The following PHIP variants were observed in gnomAD, a reference collection of about 807,000 sequenced individuals.
PHIP encodes PH-interacting protein.
In PHIP, 54 loss-of-function variants were observed where a neutral mutation model predicts 236.8. That is an observed-to-expected ratio of 0.23 (90% CI 0.18 to 0.29). PHIP has a LOEUF of 0.29. PHIP is among the 10% of genes least tolerant of loss of function. The pLI is 1.00. For synonymous variants in PHIP, 756 were observed against 718.9 expected, an observed-to-expected ratio of 1.05 and a Z score of -0.83; for missense variants, 1,370 against 2,190.8, an observed-to-expected ratio of 0.63 and a Z score of 7.48.
At chr6:78,977,985 G>C (rs933029596) in intron 24 of PHIP, among the ~76,000 whole-genome samples, 2 of 152,010 alleles carry the variant, frequency 1.3e-5, no homozygotes, top group Non-Finnish European at 2.9e-5. Flanking sequence ...AGATAACACT[G>C]CCTCTTAAAA....
chr6:79,015,512 C>T lies in PHIP; in HGVS notation c.1389+118G>A, dbSNP rs62427279. The stretch of plus-strand genomic sequence containing the variant: ...AATTATTCCCAATCACTCACAAAGC[C>T]GTTACCCCAGCAAGCAAGAGTTTTT... On this transcript the variant is annotated intron_variant, in intron 14 of 39. Coordinates refer to ENST00000275034, the MANE Select transcript of PHIP (RefSeq NM_017934.7). 31,481 of 759,804 alleles carry T rather than the reference C, an allele frequency of 0.041. 902 individuals carry two copies. The highest frequency in any genetic ancestry group is 0.056 in the Non-Finnish European group (26,313 of 471,318). The allele number at this position is 759,804 out of a possible 1,614,324, so 47.1% of individuals were successfully genotyped here. A position where few individuals can be genotyped will look rare whatever the true frequency, so the allele number is the denominator to read the frequency against.
intron 4 of PHIP, among the ~76,000 whole-genome samples, chr6:79,077,106 C>G (rs1456444822): frequency 2.6e-5 from 4 of 152,040 alleles, no homozygotes; most frequent in African/African-American, 9.7e-5. Context: ...CGCGCCGCTC[C>G]CGCCGCCGCC....
Position 78,988,260 on chromosome 6 carries a change from T to C in PHIP, c.2409A>G (p.Glu803=). Residue 803 remains glutamate, a synonymous_variant, in exon 21 of 40, where the codon GAA becomes GAG. Coordinates refer to ENST00000275034, the MANE Select transcript of PHIP (RefSeq NM_017934.7). ...TCTCTTCTGAGGGTCTAGGAGTCTCTTCCAATGCAGATCTTGTACGATAAT... is the reference window on the plus strand; with the variant it reads ...TCTCTTCTGAGGGTCTAGGAGTCTCCTCCAATGCAGATCTTGTACGATAAT... The part of the protein sequence containing the change: ...QHNYRTRSAL[E]ETPRPSEEIE... 1.2e-6 allele frequency: 2 copies of C among 1,609,530 alleles called. No individual in the cohort carries two copies. The highest frequency in any genetic ancestry group is 1.7e-6 in the Non-Finnish European group (2 of 1,176,686).
At chr6:78,985,164 T>C (rs933146245) in intron 22 of PHIP, among the ~76,000 whole-genome samples, 188 bp downstream of exon 22, 8 of 152,102 alleles carry the variant, frequency 5.3e-5, no homozygotes, top group South Asian at 2.1e-4. Flanking sequence ...GCAGATCTAG[T>C]TGCAATCACC....
intron 24 of PHIP, among the ~76,000 whole-genome samples, chr6:78,974,403 A>T (rs1289875975): frequency 6.6e-6 from 1 of 151,964 alleles, no homozygotes. Context: ...TTATAGCACT[A>T]AATGCCCACA....
intron 24 of PHIP, among the ~76,000 whole-genome samples, chr6:78,978,081 A>C (rs567123435): frequency 6.6e-6 from 1 of 152,240 alleles, no homozygotes; most frequent in East Asian, 1.9e-4. Flanking sequence ...TCACAAGTAC[A>C]TATTCTAAAA....
At chr6:79,044,772 G>GTA (rs1772391746) in intron 6 of PHIP, among the ~76,000 whole-genome samples, 1 of 152,056 alleles carries the variant, frequency 6.6e-6, no homozygotes, top group Admixed American at 6.6e-5. Context: ...TTAAGCATTA[G>GTA]TATATAGGTA....
rs1162064963 is a variant in PHIP, at chr6:79,078,208, G to T, written c.-140C>A. 2.7e-6 allele frequency: 2 copies of T among 749,940 alleles called. No homozygotes were observed. The highest frequency in any genetic ancestry group is 4.4e-6 in the Non-Finnish European group (2 of 456,950). The allele number at this position is 749,940 out of a possible 1,614,324, so 46.5% of individuals were successfully genotyped here. On this transcript the variant is annotated 5_prime_UTR_variant, in exon 1 of 40. Transcript: ENST00000275034. The stretch of plus-strand genomic sequence containing the variant: ...CTCCACCATTCAAGCAACGGCGGCG[G>T]AGGCGGAGGAGGAGGAGGAGGAAAC...
intron 35 of PHIP, among the ~76,000 whole-genome samples, chr6:78,948,026 CTT>C (rs1463887610): frequency 1.3e-5 from 2 of 151,654 alleles, no homozygotes; most frequent in Non-Finnish European, 2.9e-5. Flanking sequence ...TCACTGGAGA[CTT>C]GGGAGATGGA....
At chr6:79,006,714 T>C (rs1770310529) in intron 15 of PHIP, among the ~76,000 whole-genome samples, 1 of 151,966 alleles carries the variant, frequency 6.6e-6, no homozygotes, top group African/African-American at 2.4e-5. Context: ...TAATTAGAAA[T>C]AGAGTGAAAC....
At position 79,078,105 on chromosome 6, in the gene PHIP, C is replaced by T; in HGVS notation, c.-37G>A. On this transcript the variant is annotated 5_prime_UTR_variant, in exon 1 of 40. Transcript: ENST00000275034. ...ACTTCAGGGCCGCCGACGGGACACC[C>T]CGCCGCCGAGGGGAAGCGGGGACGG... 1.2e-6 allele frequency: 2 copies of T among 1,604,536 alleles called. No individual in the cohort carries two copies. Among genetic ancestry groups the T allele is most frequent in the Non-Finnish European group, 1.7e-6 (2 of 1,176,900 alleles).
chr6:79,059,056 C>T (rs1276248079), intron 6 of PHIP, among the ~76,000 whole-genome samples: 1 of 151,916 alleles, frequency 6.6e-6, no homozygotes, highest in East Asian at 1.9e-4. Flanking sequence ...TTAAACAGGA[C>T]AATCTTATGT....
At chr6:78,982,568 A>T (rs1368451160) in intron 23 of PHIP, among the ~76,000 whole-genome samples, 1 of 152,072 alleles carries the variant, frequency 6.6e-6, no homozygotes, top group African/African-American at 2.4e-5. Context: ...AATACACTAT[A>T]TGTTTTGTAT....
At position 78,940,940 on chromosome 6, in the gene PHIP, C is replaced by T. The variant is rs1222515312; in HGVS notation, c.5219G>A (p.Arg1740Lys). The stretch of plus-strand genomic sequence containing the variant: ...ATCATCTATCTTTTTTCGGTTACTT[C>T]TCCTTAACACTTTGACACTTGCAGG... ...LVPASVKVLRRSNRKKIDDPI... is the reference protein window; with the variant it reads ...LVPASVKVLRKSNRKKIDDPI... Residue 1740 changes from arginine to lysine, a missense_variant, in exon 40 of 40, where the codon AGA becomes AAA. Arg to Lys is a conservative substitution (Grantham distance 26). Transcript: ENST00000275034. 6.2e-7 allele frequency: 1 copy of T among 1,613,948 alleles called. No homozygotes were observed. Among genetic ancestry groups the T allele is most frequent in the Admixed American group, 1.7e-5 (1 of 60,012 alleles).
In PHIP at chr6:78,951,341, C is replaced by T. The variant is rs543984621; in HGVS notation, c.4053+3473G>A. 1.1e-4 allele frequency among the ~76,000 whole-genome samples: 16 copies of T among 152,072 alleles called. No homozygotes were observed. In the East Asian group the frequency reaches 1.5e-3, roughly 15 times the overall value. On this transcript the variant is annotated intron_variant, in intron 35 of 39. Transcript: ENST00000275034. ...AATACAATTCTGTTGAATAAATGAACGTTGTAGAATATTAAGCCCATTCAT... is the reference window on the plus strand; with the variant it reads ...AATACAATTCTGTTGAATAAATGAATGTTGTAGAATATTAAGCCCATTCAT...
rs115527179 is a variant in PHIP, at chr6:79,027,834, C to G, written c.601-1670G>C. On this transcript the variant is annotated intron_variant, in intron 7 of 39. Transcript: ENST00000275034. ...CAATGTAATGTAGCTTAGAGGACAGCCTTCAGGGTCAAATGCATGACTTTG... is the reference window on the plus strand; with the variant it reads ...CAATGTAATGTAGCTTAGAGGACAGGCTTCAGGGTCAAATGCATGACTTTG... 5.2e-3 allele frequency among the ~76,000 whole-genome samples: 795 copies of G among 152,104 alleles called. 10 individuals are homozygous for G. Among genetic ancestry groups the G allele is most frequent in the African/African-American group, 0.018 (753 of 41,500 alleles).
At chr6:79,010,193 A>AT (rs1164931908) in intron 15 of PHIP, among the ~76,000 whole-genome samples, 1 of 151,858 alleles carries the variant, frequency 6.6e-6, no homozygotes, top group Non-Finnish European at 1.5e-5. Flanking sequence ...AGCTGTACCT[A>AT]TTTTGAGCTT....
At chr6:79,066,890 G>C (rs557439817) in intron 4 of PHIP, among the ~76,000 whole-genome samples, 1 of 151,922 alleles carries the variant, frequency 6.6e-6, no homozygotes, top group Non-Finnish European at 1.5e-5. Context: ...CCCTGGTTTT[G>C]TTTTTGTTTG....
chr6:78,950,934 T>C (rs1299909558), intron 35 of PHIP, among the ~76,000 whole-genome samples: 4 of 152,120 alleles, frequency 2.6e-5, no homozygotes, highest in Non-Finnish European at 4.4e-5. Context: ...GAGCTTCGAT[T>C]ATTGATTTGA....
Sources: gnomAD v4.1 joint callset for allele counts (sites outside exome capture counted in the v4.1 genomes callset) on GRCh38, gnomAD v4.1.1 for gene constraint, MANE v1.5 for transcripts, NCBI Gene and HGNC (gene_info 2026-07-23, HGNC 2026-07-21) for gene names.